LOC128092252: variants seen among roughly 807,000 people sequenced by gnomAD.
chr15:50,676,747 T>C, the LOC128092252 span, among the ~76,000 whole-genome samples: 1 of 151,990 alleles, frequency 6.6e-6, no homozygotes, highest in Non-Finnish European at 1.5e-5. Context: ...AAAATATCAA[T>C]AGAAATCCCA....
chr15:50,684,296 C>T, the LOC128092252 span, among the ~76,000 whole-genome samples: 2 of 151,934 alleles, frequency 1.3e-5, no homozygotes, highest in South Asian at 4.1e-4. Flanking sequence ...AGGATTACCA[C>T]GCCCGATTAC....
chr15:50,667,607 T>G, the LOC128092252 span, among the ~76,000 whole-genome samples: 1 of 152,182 alleles, frequency 6.6e-6, no homozygotes, highest in Admixed American at 6.5e-5. Context: ...CTAGGGAAGC[T>G]GAGGCAGGAG....
At chr15:50,670,814 A>G in the LOC128092252 span, among the ~76,000 whole-genome samples, 1 of 151,642 alleles carries the variant, frequency 6.6e-6, no homozygotes, top group Non-Finnish European at 1.5e-5. Context: ...GAAAAAGAAA[A>G]AAAAAAAAAA....
the LOC128092252 span, among the ~76,000 whole-genome samples, chr15:50,656,577 C>T: frequency 6.6e-6 from 1 of 151,298 alleles, no homozygotes. Context: ...CTCAAACCAT[C>T]CTCCTGCCTC....
At chr15:50,667,997 T>C in the LOC128092252 span, among the ~76,000 whole-genome samples, 5 of 152,228 alleles carry the variant, frequency 3.3e-5, no homozygotes, top group Admixed American at 3.3e-4. Context: ...TAATTATGAT[T>C]ATTATGTTAA....
the LOC128092252 span, chr15:50,657,649 C>G: frequency 1.3e-6 from 1 of 751,752 alleles, no homozygotes; most frequent in Non-Finnish European, 2.1e-6. Flanking sequence ...CTTCACCTTC[C>G]AAGTCTAGGT....
chr15:50,672,165 T>G, the LOC128092252 span, among the ~76,000 whole-genome samples: 1 of 152,098 alleles, frequency 6.6e-6, no homozygotes, highest in Non-Finnish European at 1.5e-5. Flanking sequence ...GCCATTCTCC[T>G]GCCTCAGCCT....
At chr15:50,649,626 T>C in the LOC128092252 span, among the ~76,000 whole-genome samples, 2 of 152,112 alleles carry the variant, frequency 1.3e-5, no homozygotes, top group Non-Finnish European at 2.9e-5. Context: ...CGTGAACTAA[T>C]CTATATAGTG....
chr15:50,676,052 G>C, the LOC128092252 span, among the ~76,000 whole-genome samples: 1 of 152,256 alleles, frequency 6.6e-6, no homozygotes, highest in South Asian at 2.1e-4. Context: ...AGTTGTTTTA[G>C]CACAATGCAT....
chr15:50,672,637 C>T, the LOC128092252 span, among the ~76,000 whole-genome samples: 2 of 151,590 alleles, frequency 1.3e-5, no homozygotes, highest in Admixed American at 6.6e-5. Flanking sequence ...TAGCCAGGTG[C>T]GGTGGCTCAC....
the LOC128092252 span, among the ~76,000 whole-genome samples, chr15:50,665,335 A>G: frequency 1.3e-5 from 2 of 151,916 alleles, no homozygotes; most frequent in African/African-American, 2.4e-5. Flanking sequence ...CAGAGATTGC[A>G]GTGAGCCAAG....
the LOC128092252 span, among the ~76,000 whole-genome samples, chr15:50,670,394 A>G: frequency 6.6e-6 from 1 of 152,222 alleles, no homozygotes; most frequent in Non-Finnish European, 1.5e-5. Context: ...TATAGGCCAT[A>G]AAGACTGTGC....
the LOC128092252 span, among the ~76,000 whole-genome samples, chr15:50,677,754 A>C: frequency 2.0e-5 from 3 of 150,150 alleles, no homozygotes; most frequent in Non-Finnish European, 3.0e-5. Flanking sequence ...AAAAAAAAAA[A>C]AAAAAACAAA....
At chr15:50,671,804 G>GA in the LOC128092252 span, among the ~76,000 whole-genome samples, 5 of 147,464 alleles carry the variant, frequency 3.4e-5, no homozygotes, top group South Asian at 2.1e-4. Context: ...AACTTGTCTC[G>GA]AAAAAAAAAA....
At chr15:50,666,742 T>C in the LOC128092252 span, among the ~76,000 whole-genome samples, 1 of 151,214 alleles carries the variant, frequency 6.6e-6, no homozygotes, top group African/African-American at 2.4e-5. Flanking sequence ...GCAGAAGTTA[T>C]GGTGAGCCGA....
At chr15:50,676,909 G>A in the LOC128092252 span, among the ~76,000 whole-genome samples, 3 of 152,106 alleles carry the variant, frequency 2.0e-5, no homozygotes, top group Non-Finnish European at 2.9e-5. Flanking sequence ...CATGAAGATC[G>A]TACACATGGG....
the LOC128092252 span, among the ~76,000 whole-genome samples, chr15:50,652,989 T>C: frequency 3.9e-5 from 6 of 152,112 alleles, no homozygotes; most frequent in Non-Finnish European, 8.8e-5. Context: ...GCAAAACTCC[T>C]TCTCTACAAA....
chr15:50,661,337 CTGAA>C, the LOC128092252 span, among the ~76,000 whole-genome samples: 2 of 152,094 alleles, frequency 1.3e-5, no homozygotes, highest in Non-Finnish European at 2.9e-5. Context: ...TGCATATAGA[CTGAA>C]TGTAGCACTA....
the LOC128092252 span, among the ~76,000 whole-genome samples, chr15:50,683,891 A>G: frequency 6.6e-6 from 1 of 151,568 alleles, no homozygotes; most frequent in Non-Finnish European, 1.5e-5. Context: ...TTTTTTTGAG[A>G]AAGACTCTCA....
Sources: allele counts gnomAD v4.1 joint callset (sites outside exome capture counted in the v4.1 genomes callset), GRCh38; gene constraint gnomAD v4.1.1; transcripts MANE v1.5.